LAMB3: variants seen among roughly 807,000 people sequenced by gnomAD.
The protein encoded by LAMB3 is laminin subunit beta 3.
In LAMB3, 104 loss-of-function variants were observed where a neutral mutation model predicts 140.3. The ratio of observed to expected loss-of-function variants is 0.74; its 90% confidence interval spans 0.63 to 0.87. LAMB3 has a LOEUF of 0.87. Ranked by LOEUF, LAMB3 falls within the 40% of genes least tolerant of loss-of-function variation. The pLI, the probability that LAMB3 is intolerant of heterozygous loss-of-function variation, is 0.00. For missense variants in LAMB3, 1,531 were observed against 1,575.2 expected (o/e 0.97, Z 0.47); for synonymous variants, 592 against 602.9 (o/e 0.98, Z 0.26).
chr1:209,625,718 C>T lies in LAMB3; in HGVS notation c.1906G>A (p.Ala636Thr), dbSNP rs1231867656. The change falls in exon 14 of 23, where the codon GCA becomes ACA. Residue 636 changes from alanine (A) to threonine (T), a missense_variant. Transcript: ENST00000356082. ...GTGACTGCGGGGCTGCTGAGAACTG[C>T]TCGGATCTGCTCAATCTTACTCTTT... is the stretch of plus-strand genomic sequence containing the variant. The part of the protein sequence containing the change: ...DAKSKIEQIR[A>T]VLSSPAVTEQ... 1.9e-6 allele frequency: 3 copies of T among 1,614,062 alleles called. No homozygotes were observed. Among genetic ancestry groups the T allele is most frequent in the South Asian group, 2.2e-5 (2 of 91,084 alleles).
chr1:209,615,286 A>C lies in LAMB3; in HGVS notation c.3504T>G (p.Tyr1168Ter). The C allele has an allele frequency of 6.2e-7, 1 of 1,614,170 alleles. No individual in the cohort carries two copies. The highest frequency in any genetic ancestry group is 8.5e-7 in the Non-Finnish European group (1 of 1,180,034). Residue 1168 changes from tyrosine to a stop codon, truncating the protein, a stop_gained, in exon 23 of 23, where the codon TAT becomes TAG. Coordinates refer to ENST00000356082, the MANE Select transcript of LAMB3 (RefSeq NM_000228.3). LOFTEE classifies it high-confidence loss of function. ...RDHINGRVLY[Y>*]ATCK is the part of the protein sequence containing the mutation. The stretch of plus-strand genomic sequence containing the variant: ...AGCTGTAGCATCACTTGCAGGTGGC[A>C]TAGTAGAGCACGCGCCCATTGATGT...
At chr1:209,620,314 C>T (rs551286204) in intron 18 of LAMB3, among the ~76,000 whole-genome samples, 20 of 152,238 alleles carry the variant, frequency 1.3e-4, no homozygotes, top group East Asian at 3.9e-4. Flanking sequence ...TTTGAGTGAG[C>T]GGAGTAAACA....
intron 19 of LAMB3, 111 bp from the exon 20 acceptor site, chr1:209,618,159 A>G: frequency 2.2e-6 from 3 of 1,368,470 alleles, no homozygotes; most frequent in Non-Finnish European, 3.1e-6. Context: ...AGCCAAGGCA[A>G]AGAGCAAGGA....
intron 3 of LAMB3, among the ~76,000 whole-genome samples, chr1:209,643,054 G>A (rs2076484175): frequency 6.6e-6 from 1 of 152,200 alleles, no homozygotes; most frequent in South Asian, 2.1e-4. Context: ...AATCCTCAGA[G>A]ACAGGCTAAG....
intron 3 of LAMB3, among the ~76,000 whole-genome samples, chr1:209,643,255 A>G (rs1438631355): frequency 6.6e-6 from 1 of 152,220 alleles, no homozygotes. Flanking sequence ...ACACATTTGT[A>G]AGCGTCGTGT....
intron 14 of LAMB3, among the ~76,000 whole-genome samples, chr1:209,624,782 A>C (rs978457908): frequency 6.6e-6 from 1 of 152,114 alleles, no homozygotes; most frequent in African/African-American, 2.4e-5. Flanking sequence ...TCTTGAGCGC[A>C]AAGATTATGT....
chr1:209,621,879 C>T (rs1391402915), intron 18 of LAMB3, among the ~76,000 whole-genome samples: 1 of 152,210 alleles, frequency 6.6e-6, no homozygotes, highest in Non-Finnish European at 1.5e-5. Context: ...CAGTAGTCAA[C>T]AAGACAGACA....
In LAMB3 at chr1:209,617,432, T is replaced by C; in HGVS notation, c.3206A>G (p.Glu1069Gly). Residue 1069 changes from glutamate to glycine, a missense_variant, in exon 21 of 23, where the codon GAG becomes GGG. Transcript: ENST00000356082. Reference sequence around the variant, plus strand: ...TACCTCTTGGGCACTCAATGCCTGCTCGCTGGCACCTTCCGCAAGCTGCTG... The same window carrying C: ...TACCTCTTGGGCACTCAATGCCTGCCCGCTGGCACCTTCCGCAAGCTGCTG... Reference protein sequence around the residue: ...QAQQLAEGASEQALSAQEGFE... With the variant: ...QAQQLAEGASGQALSAQEGFE... The C allele has an allele frequency of 2.5e-6, 4 of 1,612,912 alleles. No individual in the cohort carries two copies. The South Asian group carries it at 3.3e-5, about 13-fold the overall frequency.
In LAMB3 at chr1:209,618,635, A is replaced by ATAGTGGCTGCATCAGTGTC; in HGVS notation, c.2707_2725dup (p.Ile909ArgfsTer3). The ATAGTGGCTGCATCAGTGTC allele has an allele frequency of 6.2e-7, 1 of 1,612,176 alleles. No homozygotes were observed. Among genetic ancestry groups the ATAGTGGCTGCATCAGTGTC allele is most frequent in the Non-Finnish European group, 8.5e-7 (1 of 1,179,784 alleles). On this transcript the variant is annotated stop_gained and frameshift_variant, in exon 19 of 23. Coordinates refer to ENST00000356082, the MANE Select transcript of LAMB3 (RefSeq NM_000228.3). LOFTEE classifies it high-confidence loss of function. ...CAGCACGGCCTCGCTGACCTCCTGGATAGTGGCTGCATCAGTGTCGGGGTC... is the reference window on the plus strand; with the variant it reads ...CAGCACGGCCTCGCTGACCTCCTGGATAGTGGCTGCATCAGTGTCTAGTGGCTGCATCAGTGTCGGGGTC...
chr1:209,630,718 G>C lies in LAMB3; in HGVS notation c.840C>G (p.Val280=). Residue 280 remains valine, a synonymous_variant, in exon 9 of 23, where the codon GTC becomes GTG. Coordinates refer to ENST00000356082, the MANE Select transcript of LAMB3 (RefSeq NM_000228.3). ...TTGGGCCGGCAGTGTTGTGCTGGCAGACACAGACATCGTGGACCTGGGAGG... is the reference window on the plus strand; with the variant it reads ...TTGGGCCGGCAGTGTTGTGCTGGCACACACAGACATCGTGGACCTGGGAGG... The part of the protein sequence containing the change: ...STAVQVHDVC[V]CQHNTAGPNC... 1 of 1,614,042 alleles carries C rather than the reference G, an allele frequency of 6.2e-7. No individual in the cohort carries two copies. Among genetic ancestry groups the C allele is most frequent in the Non-Finnish European group, 8.5e-7 (1 of 1,180,008 alleles).
chr1:209,615,535 G>A, intron 22 of LAMB3, 128 bp from the exon 23 acceptor site: 1 of 1,127,220 alleles, frequency 8.9e-7, no homozygotes, highest in African/African-American at 1.6e-5. Context: ...GAAAAATCTG[G>A]CCTCTAAAGC....
chr1:209,625,983 G>A lies in LAMB3; in HGVS notation c.1641C>T (p.Asp547=). Residue 547 remains aspartate (D), a synonymous_variant, in exon 14 of 23, where the codon GAC becomes GAT. Transcript: ENST00000356082. ...DFRGTEGPGC[D]KASGRCLCRP... ...GGCAGAGGCAGCGGCCTGATGCCTT[G>A]TCGCAGCCCGGGCCCTCTGTTCCCC... The A allele has an allele frequency of 1.2e-6, 2 of 1,613,546 alleles. No homozygotes were observed. The highest frequency in any genetic ancestry group is 1.7e-6 in the Non-Finnish European group (2 of 1,179,708).
At chr1:209,640,160 G>A (rs1361506067) in intron 3 of LAMB3, among the ~76,000 whole-genome samples, 2 of 152,182 alleles carry the variant, frequency 1.3e-5, no homozygotes, top group Non-Finnish European at 2.9e-5. Flanking sequence ...CTAGTGCTTG[G>A]AGGTGCCCTT....
chr1:209,633,636 A>G (rs1341366361), intron 6 of LAMB3, among the ~76,000 whole-genome samples: 1 of 152,208 alleles, frequency 6.6e-6, no homozygotes, highest in Non-Finnish European at 1.5e-5. Context: ...AAGTTAGGAA[A>G]AAGTTCTTAT....
intron 3 of LAMB3, among the ~76,000 whole-genome samples, chr1:209,641,073 A>C (rs543662984): frequency 2.7e-4 from 37 of 137,552 alleles, no homozygotes; most frequent in Non-Finnish European, 5.4e-4. Flanking sequence ...ACAGAGCGAG[A>C]CTCTGTCTCA....
chr1:209,632,791 C>G lies in LAMB3; in HGVS notation c.629-15G>C. On this transcript the variant is annotated splice_polypyrimidine_tract_variant and intron_variant, in intron 7 of 22. Transcript: ENST00000356082. ...CTCCCCCACCTCTGAGAGGGCCAAA[C>G]AGCAAGGAGGGAAGAGTTGGAGAAT... 6.2e-7 allele frequency: 1 copy of G among 1,612,030 alleles called. No homozygotes were observed.
intron 20 of LAMB3, 49 bp from the exon 21 acceptor site, chr1:209,617,635 G>A (rs553743058): frequency 4.8e-5 from 77 of 1,599,290 alleles, no homozygotes; most frequent in Admixed American, 1.3e-4. Flanking sequence ...CTCATAGGTC[G>A]GGGGGTTCAT....
chr1:209,623,793 C>A lies in LAMB3; in HGVS notation c.2137+47G>T, dbSNP rs1394285830. ...GAGGGAGAGGGGGTGGCATGCCCACCACGGCAGTGCCCATGCCCGGGGTTA... is the reference window on the plus strand; with the variant it reads ...GAGGGAGAGGGGGTGGCATGCCCACAACGGCAGTGCCCATGCCCGGGGTTA... On this transcript the variant is annotated intron_variant, in intron 15 of 22. Coordinates refer to ENST00000356082, the MANE Select transcript of LAMB3 (RefSeq NM_000228.3). The surrounding 1 kb of genome is among the most constrained non-coding windows in gnomAD (Gnocchi z 4.2). 6.2e-7 allele frequency: 1 copy of A among 1,613,222 alleles called. No homozygotes were observed. The highest frequency in any genetic ancestry group is 8.5e-7 in the Non-Finnish European group (1 of 1,179,230).
chr1:209,636,925 C>T lies in LAMB3; in HGVS notation c.372+983G>A, dbSNP rs983882915. ...ACGTATGGTGAAAGCAGCTTGAAGA[C>T]TGTGATTTGGTTTTATTCATCTTTA... is the stretch of plus-strand genomic sequence containing the variant. On this transcript the variant is annotated intron_variant, in intron 5 of 22. Transcript: ENST00000356082. 3.3e-5 allele frequency among the ~76,000 whole-genome samples: 5 copies of T among 152,238 alleles called. No homozygotes were observed. The South Asian group carries it at 1.0e-3, about 31-fold the overall frequency.
Sources: gnomAD v4.1 joint callset for allele counts (sites outside exome capture counted in the v4.1 genomes callset) on GRCh38, gnomAD v4.1.1 for gene constraint, Gnocchi (gnomAD v3.1) non-coding constraint, MANE v1.5 for transcripts, NCBI Gene and HGNC (gene_info 2026-07-23, HGNC 2026-07-21) for gene names.